The following OPHN1 variants were observed in gnomAD, a reference collection of about 807,000 sequenced individuals.
OPHN1 encodes oligophrenin 1.
Under a neutral mutation model 60.7 loss-of-function variants are expected in OPHN1, and 11 were observed. The observed-to-expected ratio is 0.18, with a 90% CI of 0.11 to 0.30. The LOEUF is 0.30. Among genes scored for constraint, OPHN1 ranks in the 10% least tolerant of loss-of-function variants. OPHN1 has a pLI of 1.00. For synonymous variants in OPHN1, 226 were observed against 222.6 expected (o/e 1.02, Z -0.14); for missense variants, 449 against 611.0 (o/e 0.73, Z 2.80).
chrX:68,335,597 T>G (rs898539623), intron 2 of OPHN1, among the ~76,000 whole-genome samples: 16 of 111,909 alleles, frequency 1.4e-4, no homozygotes, highest in Non-Finnish European at 2.6e-4. Flanking sequence ...CATGAGACCT[T>G]GGAAATCATC....
At chrX:68,432,415 T>C (rs769250538) in intron 2 of OPHN1, among the ~76,000 whole-genome samples, 5 of 112,065 alleles carry the variant, frequency 4.5e-5, no homozygotes, top group South Asian at 7.4e-4. Context: ...CCCACACTTA[T>C]CTGTAGCAAC....
intron 15 of OPHN1, among the ~76,000 whole-genome samples, chrX:68,151,112 T>C (rs1361129578): frequency 9.0e-6 from 1 of 111,301 alleles, no homozygotes; most frequent in Non-Finnish European, 1.9e-5. Context: ...GGCTTCAGGA[T>C]TCAGACAGCT....
At position 68,052,671 on chromosome X, in the gene OPHN1, ACT is replaced by A; in HGVS notation, c.2325-83_2325-82del. On this transcript the variant is annotated intron_variant, in intron 22 of 24. Transcript: ENST00000355520. ...CAATGGCCAACAGAAAGGACAGGAGACTCTGAACCAGATGGGACACCAATGCC... is the reference window on the plus strand; with the variant it reads ...CAATGGCCAACAGAAAGGACAGGAGACTGAACCAGATGGGACACCAATGCC... The A allele has an allele frequency of 5.6e-6, 5 of 890,338 alleles. No homozygotes were observed. In the South Asian group the frequency reaches 8.5e-5, roughly 15 times the overall value. The allele number at this position is 890,338 out of a possible 1,213,427, so 73.4% of individuals were successfully genotyped here.
chrX:68,228,529 T>C (rs1208082273), intron 6 of OPHN1, among the ~76,000 whole-genome samples: 6 of 111,698 alleles, frequency 5.4e-5, no homozygotes, highest in Non-Finnish European at 1.1e-4. Context: ...ACTGGCAAAC[T>C]GAATCCAGCA....
intron 2 of OPHN1, among the ~76,000 whole-genome samples, chrX:68,416,593 C>A (rs1233079197): frequency 8.9e-6 from 1 of 111,836 alleles, no homozygotes; most frequent in Non-Finnish European, 1.9e-5. Context: ...AATAGGAATA[C>A]ATCTCTGATG....
intron 2 of OPHN1, among the ~76,000 whole-genome samples, chrX:68,378,163 G>C (rs1602367744): frequency 8.9e-6 from 1 of 112,107 alleles, no homozygotes. Flanking sequence ...GTTTTGATTT[G>C]CATTTCTCTG....
chrX:68,106,699 T>A (rs897451038), intron 18 of OPHN1, among the ~76,000 whole-genome samples: 8 of 111,503 alleles, frequency 7.2e-5, no homozygotes, highest in Non-Finnish European at 1.5e-4. Context: ...TCAGTTTGGT[T>A]CTGCCTGTTA....
intron 15 of OPHN1, among the ~76,000 whole-genome samples, chrX:68,154,229 C>T (rs1403133501): frequency 8.9e-6 from 1 of 112,327 alleles, no homozygotes; most frequent in Non-Finnish European, 1.9e-5. Context: ...TCCCCTTTCA[C>T]CTGTGGAGAA....
chrX:68,092,599 C>T (rs189995925), intron 19 of OPHN1, among the ~76,000 whole-genome samples: 182 of 111,641 alleles, frequency 1.6e-3, no homozygotes, highest in African/African-American at 5.4e-3. Flanking sequence ...CAGGTTACAA[C>T]GGTGTGAAAA....
chrX:68,248,039 T>C (rs961754800), intron 5 of OPHN1, among the ~76,000 whole-genome samples: 38 of 111,510 alleles, frequency 3.4e-4, no homozygotes, highest in Middle Eastern at 9.2e-3. Flanking sequence ...CCAAAAATCA[T>C]GTAAGCACTC....
intron 20 of OPHN1, among the ~76,000 whole-genome samples, chrX:68,066,636 C>T (rs2076914057): frequency 9.0e-6 from 1 of 111,471 alleles, no homozygotes; most frequent in Non-Finnish European, 1.9e-5. Context: ...AGCACTTATA[C>T]CATGGCAGAC....
chrX:68,389,037 CT>C (rs1231351947), intron 2 of OPHN1, among the ~76,000 whole-genome samples: 1 of 108,002 alleles, frequency 9.3e-6, no homozygotes, highest in African/African-American at 3.4e-5. Context: ...TCACTGCCAC[CT>C]TGACCTCCCG....
intron 2 of OPHN1, among the ~76,000 whole-genome samples, chrX:68,406,094 G>A (rs2078741708): frequency 9.2e-6 from 1 of 108,482 alleles, no homozygotes; most frequent in Admixed American, 1.0e-4. Context: ...GCTGCAGTAA[G>A]CTGAGATCAC....
In OPHN1 at chrX:68,278,843, G is replaced by A. The variant is rs776731787; in HGVS notation, c.313-4034C>T. On this transcript the variant is annotated intron_variant, in intron 4 of 24. Coordinates refer to ENST00000355520, the MANE Select transcript of OPHN1 (RefSeq NM_002547.3). ...GGAGGCTGCAGTGAGCCGAAATCACGCCACTGCACTCCAGCCTGGGCAACA... is the reference window on the plus strand; with the variant it reads ...GGAGGCTGCAGTGAGCCGAAATCACACCACTGCACTCCAGCCTGGGCAACA... 7.8e-4 allele frequency among the ~76,000 whole-genome samples: 87 copies of A among 111,325 alleles called. 1 individual carries two copies. The highest frequency in any genetic ancestry group is 2.6e-3 in the African/African-American group (80 of 30,686).
chrX:68,287,026 G>C (rs1366145621), intron 3 of OPHN1, among the ~76,000 whole-genome samples: 2 of 104,435 alleles, frequency 1.9e-5, no homozygotes, highest in Non-Finnish European at 3.9e-5. Context: ...GAGAAAGAAG[G>C]AAGGAAGGCA....
chrX:68,406,384 G>A (rs1384260757), intron 2 of OPHN1, among the ~76,000 whole-genome samples: 1 of 110,156 alleles, frequency 9.1e-6, no homozygotes, highest in Non-Finnish European at 1.9e-5. Flanking sequence ...GGCCGAGGTG[G>A]GCAGATCGCC....
chrX:68,147,944 C>G (rs2077270448), intron 15 of OPHN1, among the ~76,000 whole-genome samples: 1 of 111,693 alleles, frequency 9.0e-6, no homozygotes, highest in Non-Finnish European at 1.9e-5. Context: ...ATGCTTTTGA[C>G]TTGAGCACCA....
intron 6 of OPHN1, among the ~76,000 whole-genome samples, chrX:68,220,940 G>A (rs1486814556): frequency 3.6e-5 from 3 of 84,120 alleles, no homozygotes; most frequent in Non-Finnish European, 5.0e-5. Context: ...AGGGCAATTA[G>A]GCAGGAGAAG....
intron 15 of OPHN1, among the ~76,000 whole-genome samples, chrX:68,119,742 T>A (rs1462603121): frequency 1.8e-5 from 2 of 111,319 alleles, no homozygotes; most frequent in Admixed American, 9.5e-5. Flanking sequence ...TACAAATTGC[T>A]GGAGGCTTAA....
Sources: gnomAD v4.1 joint callset for allele counts (sites outside exome capture counted in the v4.1 genomes callset) on GRCh38, gnomAD v4.1.1 for gene constraint, MANE v1.5 for transcripts, NCBI Gene and HGNC (gene_info 2026-07-23, HGNC 2026-07-21) for gene names.